Variants in RRP7A observed in about 807,000 individuals in gnomAD.
RRP7A encodes the protein ribosomal RNA-processing protein 7 homolog A.
A neutral mutation model predicts 38.4 loss-of-function variants in RRP7A; 27 were observed. The observed-to-expected ratio is 0.70, with a 90% CI of 0.52 to 0.97. The LOEUF is 0.97. Among genes scored for constraint, RRP7A ranks in the 50% least tolerant of loss-of-function variants. The probability of loss-of-function intolerance (pLI) is 0.00; values close to 1 mark genes in which losing one functional copy is unlikely to be tolerated. For missense variants in RRP7A, 327 were observed against 375.4 expected (o/e 0.87, Z 1.07); for synonymous variants, 124 against 150.3 (o/e 0.83, Z 1.28).
At position 42,511,069 on chromosome 22, in the gene RRP7A, T is replaced by TC. The variant is rs1932444680; in HGVS notation, c.*1840dup. ...GTCTCATTCTGTTGCTCAGGCTCAG[T>TC]CATAGCTCACTGCAGCCTCAAACTC... On this transcript the variant is annotated 3_prime_UTR_variant, in exon 7 of 7. Transcript: ENST00000323013. 6.5e-6 allele frequency: 1 copy of TC among 154,940 alleles called. No homozygotes were observed. The highest frequency in any genetic ancestry group is 2.4e-5 in the African/African-American group (1 of 41,508). 9.6% of individuals were successfully genotyped at this position (154,940 alleles called of 1,614,324 possible). A position where few individuals can be genotyped will look rare whatever the true frequency, so the allele number is the denominator to read the frequency against.
chr22:42,518,105 TAGTG>T lies in RRP7A; in HGVS notation c.112_115del (p.His38ThrfsTer4), dbSNP rs750145988. Reference sequence around the variant, plus strand: ...AACGCCGTGTGCTCTCACATAGAGGTAGTGAGAAGCCTGTTGCTTTTCAGAGAAC... The same window carrying T: ...AACGCCGTGTGCTCTCACATAGAGGTAGAAGCCTGTTGCTTTTCAGAGAAC... On this transcript the variant is annotated frameshift_variant, in exon 2 of 7. Transcript: ENST00000323013. LOFTEE classifies it high-confidence loss of function. 7 of 1,613,530 alleles carry T rather than the reference TAGTG, an allele frequency of 4.3e-6. No homozygotes were observed. Among genetic ancestry groups the T allele is most frequent in the Non-Finnish European group, 5.9e-6 (7 of 1,179,802 alleles).
intron 2 of RRP7A, among the ~76,000 whole-genome samples, chr22:42,517,076 G>A (rs1031111855): frequency 7.9e-5 from 12 of 152,076 alleles, no homozygotes; most frequent in South Asian, 4.2e-4. Context: ...TCAGCAGTTC[G>A]AGACCAGCCT....
intron 1 of RRP7A, among the ~76,000 whole-genome samples, chr22:42,519,469 G>A (rs958558947): frequency 1.3e-5 from 2 of 152,178 alleles, no homozygotes; most frequent in African/African-American, 2.4e-5. Context: ...GTGGACAGAG[G>A]CGGGCTCACC....
intron 6 of RRP7A, among the ~76,000 whole-genome samples, chr22:42,513,664 C>T (rs1428946807): frequency 0.025 from 3,081 of 124,680 alleles, 11 homozygotes; most frequent in African/African-American, 0.093. Context: ...GGCCCACAGG[C>T]ATGGGAGGGT....
Position 42,518,085 on chromosome 22 carries a change from C to G in RRP7A, c.136G>C (p.Gly46Arg). The change falls in exon 2 of 7, where the codon GGC becomes CGC. Residue 46 changes from glycine (G) to arginine (R), a missense_variant. Physicochemically the swap from Gly to Arg is moderately radical, Grantham distance 125. Around this residue, in one of 5 missense-constraint regions of RRP7A, gnomAD observed 183 missense variants for 141.8 expected, o/e 1.29. Coordinates refer to ENST00000323013, the MANE Select transcript of RRP7A (RefSeq NM_015703.5). ...GTGGACTTGGTGCCTTGTCGAACGC[C>G]GTGTGCTCTCACATAGAGGTAGTGA... The part of the protein sequence containing the change: ...ASHYLYVRAH[G>R]VRQGTKSTWP... 6.2e-7 allele frequency: 1 copy of G among 1,614,072 alleles called. No individual in the cohort carries two copies. Among genetic ancestry groups the G allele is most frequent in the Non-Finnish European group, 8.5e-7 (1 of 1,179,960 alleles).
chr22:42,512,070 C>A lies in RRP7A; in HGVS notation c.*840G>T. 2.7e-6 allele frequency: 4 copies of A among 1,458,440 alleles called. No homozygotes were observed. The South Asian group carries it at 4.5e-5, about 16-fold the overall frequency. 90.3% of individuals were successfully genotyped at this position (1,458,440 alleles called of 1,614,324 possible). On this transcript the variant is annotated 3_prime_UTR_variant, in exon 7 of 7. Transcript: ENST00000323013. ...CTGACCCCGGGGCCCATGGAGCTCC[C>A]TAGGCTCCTCTGGCCACATCTCACT...
chr22:42,518,858 A>T (rs1198593878), intron 1 of RRP7A: 1 of 440,286 alleles, frequency 2.3e-6, no homozygotes, highest in Non-Finnish European at 4.8e-6. Context: ...GCGGTCCCTG[A>T]ACTCAGGAAG....
At chr22:42,515,697 C>T (rs1314187532) in intron 3 of RRP7A, among the ~76,000 whole-genome samples, 1 of 152,150 alleles carries the variant, frequency 6.6e-6, no homozygotes, top group South Asian at 2.1e-4. Flanking sequence ...GAGACCCGGC[C>T]CCCAAGCCTG....
intron 1 of RRP7A, chr22:42,518,467 G>A (rs1920937289): frequency 2.5e-6 from 1 of 405,168 alleles, no homozygotes; most frequent in African/African-American, 2.1e-5. Flanking sequence ...ATGGCTGGAA[G>A]CCCCGTGAGA....
intron 2 of RRP7A, among the ~76,000 whole-genome samples, chr22:42,517,635 T>C (rs1171339245): frequency 6.6e-6 from 1 of 152,094 alleles, no homozygotes; most frequent in African/African-American, 2.4e-5. Context: ...TTCTCATGCC[T>C]CAGCTTCCCT....
intron 5 of RRP7A, among the ~76,000 whole-genome samples, 166 bp from the exon 6 acceptor site, chr22:42,514,470 G>C (rs991405134): frequency 4.7e-4 from 71 of 152,120 alleles, no homozygotes; most frequent in African/African-American, 1.6e-3. Context: ...GGGAGGGCAC[G>C]GACCTGCCGG....
intron 5 of RRP7A, 127 bp from the exon 6 acceptor site, chr22:42,514,431 C>A (rs1920924971): frequency 9.1e-6 from 7 of 770,588 alleles, no homozygotes; most frequent in South Asian, 1.8e-5. Context: ...TCCCCTCCTC[C>A]CAGCACAGTG....
chr22:42,512,502 C>A lies in RRP7A; in HGVS notation c.*408G>T. The A allele has an allele frequency of 1.8e-6, 1 of 556,092 alleles. No homozygotes were observed. The highest frequency in any genetic ancestry group is 3.2e-6 in the Non-Finnish European group (1 of 311,176). The allele number at this position is 556,092 out of a possible 1,614,324, so 34.4% of individuals were successfully genotyped here. A position where few individuals can be genotyped will look rare whatever the true frequency, so the allele number is the denominator to read the frequency against. On this transcript the variant is annotated 3_prime_UTR_variant, in exon 7 of 7. Transcript: ENST00000323013. ...TGGAGGAAGGAAGGGCGGGCTGGGC[C>A]CACCTAGCCTTTCCCTGCTGCCCAA...
intron 1 of RRP7A, among the ~76,000 whole-genome samples, chr22:42,519,512 C>G (rs1224026795): frequency 6.6e-6 from 1 of 152,098 alleles, no homozygotes; most frequent in Non-Finnish European, 1.5e-5. Context: ...GGGCTCGCCC[C>G]GGGAGAGTGA....
In RRP7A at chr22:42,510,436, C is replaced by T. The variant is rs9611809; in HGVS notation, c.*2474G>A. The T allele has an allele frequency of 0.065, 18,032 of 279,052 alleles. 241 individuals are homozygous for T. The highest frequency in any genetic ancestry group is 0.13 in the Middle Eastern group (115 of 854). 17.3% of individuals were successfully genotyped at this position (279,052 alleles called of 1,614,324 possible). A position where few individuals can be genotyped will look rare whatever the true frequency, so the allele number is the denominator to read the frequency against. ...GCCTTCAGCACTTGCTTGCGCCTGGCTTGTGCCAGCTGAGCGTGAGCTGAG... is the reference window on the plus strand; with the variant it reads ...GCCTTCAGCACTTGCTTGCGCCTGGTTTGTGCCAGCTGAGCGTGAGCTGAG... On this transcript the variant is annotated 3_prime_UTR_variant, in exon 7 of 7. Transcript: ENST00000323013.
At chr22:42,513,070 C>G in intron 6 of RRP7A, 75 bp from the exon 7 acceptor site, 2 of 1,238,860 alleles carry the variant, frequency 1.6e-6, no homozygotes, top group Non-Finnish European at 2.3e-6. Context: ...TGCCCCACCC[C>G]TCCTCCCAGT....
Position 42,512,119 on chromosome 22 carries a change from G to A in RRP7A, c.*791C>T, listed in dbSNP as rs11553436. On this transcript the variant is annotated 3_prime_UTR_variant, in exon 7 of 7. Coordinates refer to ENST00000323013, the MANE Select transcript of RRP7A (RefSeq NM_015703.5). Reference sequence around the variant, plus strand: ...CTACCCACCCCCTCCCCTCTCCAGCGGTTCCAGTTTGTGGAAGTCCCAGGC... The same window carrying A: ...CTACCCACCCCCTCCCCTCTCCAGCAGTTCCAGTTTGTGGAAGTCCCAGGC... 79,072 of 944,668 alleles carry A rather than the reference G, an allele frequency of 0.084. 5,347 individuals are homozygous for A. Among genetic ancestry groups the A allele is most frequent in the Admixed American group, 0.12 (6,241 of 51,266 alleles). 58.5% of individuals were successfully genotyped at this position (944,668 alleles called of 1,614,324 possible). A position where few individuals can be genotyped will look rare whatever the true frequency, so the allele number is the denominator to read the frequency against.
At position 42,509,850 on chromosome 22, in the gene RRP7A, G is replaced by GGTGGGTGTGTGTGTGTGTGTGTGTGTGT. The variant is rs1555985854; in HGVS notation, c.*3059_*3060insACACACACACACACACACACACACCCAC. On this transcript the variant is annotated 3_prime_UTR_variant, in exon 7 of 7. Coordinates refer to ENST00000323013, the MANE Select transcript of RRP7A (RefSeq NM_015703.5). The stretch of plus-strand genomic sequence containing the variant: ...AAGCCTGTTGGGGGTGGGGGGGTGG[G>GGTGGGTGTGTGTGTGTGTGTGTGTGTGT]GTGTGTGTGTGTGTGTGTAAGCTCA... 6 of 56,912 alleles carry GGTGGGTGTGTGTGTGTGTGTGTGTGTGT rather than the reference G, an allele frequency of 1.1e-4. No homozygotes were observed. In the East Asian group the frequency reaches 3.2e-3, roughly 30 times the overall value. 3.5% of individuals were successfully genotyped at this position (56,912 alleles called of 1,614,324 possible).
Position 42,512,879 on chromosome 22 carries a change from A to G in RRP7A, c.*31T>C. On this transcript the variant is annotated 3_prime_UTR_variant, in exon 7 of 7. Coordinates refer to ENST00000323013, the MANE Select transcript of RRP7A (RefSeq NM_015703.5). The stretch of plus-strand genomic sequence containing the variant: ...CTGCCTCGCCTCCTCCTGGCCCTGC[A>G]CCTCCAGCCATTCACTGCGGCTCTC... The G allele has an allele frequency of 1.9e-6, 3 of 1,605,522 alleles. No individual in the cohort carries two copies. The highest frequency in any genetic ancestry group is 2.6e-6 in the Non-Finnish European group (3 of 1,173,814).
Sources: gnomAD v4.1 joint callset for allele counts (sites outside exome capture counted in the v4.1 genomes callset) on GRCh38, gnomAD v4.1.1 for gene constraint, gnomAD v4.1.1 regional missense constraint, MANE v1.5 for transcripts, NCBI Gene and HGNC (gene_info 2026-07-23, HGNC 2026-07-21) for gene names.